The following CLVS1 variants were observed in gnomAD, a reference collection of about 807,000 sequenced individuals.
CLVS1 encodes clavesin 1.
Under a neutral mutation model 33.1 loss-of-function variants are expected in CLVS1, and 10 were observed. The observed-to-expected ratio is 0.30, with a 90% CI of 0.19 to 0.51. The LOEUF is 0.51. Ranked by LOEUF, CLVS1 falls within the 20% of genes least tolerant of loss-of-function variation. The probability of loss-of-function intolerance (pLI) is 0.97; values close to 1 mark genes in which losing one functional copy is unlikely to be tolerated. For synonymous variants in CLVS1, 163 were observed against 166.1 expected, an observed-to-expected ratio of 0.98 and a Z score of 0.14; for missense variants, 343 against 433.4, an observed-to-expected ratio of 0.79 and a Z score of 1.85.
chr8:61,236,855 A>G (rs1365475047), intron 2 of CLVS1, among the ~76,000 whole-genome samples: 1 of 152,196 alleles, frequency 6.6e-6, no homozygotes, highest in Non-Finnish European at 1.5e-5. Context: ...ATTAGCTCCA[A>G]TGGAAGAGCT....
intron 5 of CLVS1, among the ~76,000 whole-genome samples, chr8:61,477,745 A>T (rs1002790594): frequency 2.0e-5 from 3 of 152,084 alleles, no homozygotes; most frequent in Non-Finnish European, 2.9e-5. Context: ...TTTTCAAAAA[A>T]CCAGCTCCTG....
At chr8:61,381,869 T>C (rs1253921781) in intron 3 of CLVS1, among the ~76,000 whole-genome samples, 1 of 152,208 alleles carries the variant, frequency 6.6e-6, no homozygotes, top group African/African-American at 2.4e-5. Flanking sequence ...ATTCCATGTC[T>C]TTGCTATTGT....
At chr8:61,142,956 A>G (rs1471654814) in intron 2 of CLVS1, among the ~76,000 whole-genome samples, 1 of 152,220 alleles carries the variant, frequency 6.6e-6, no homozygotes, top group Non-Finnish European at 1.5e-5. Flanking sequence ...GAAACATCCT[A>G]TTGAAGGAAG....
At chr8:61,226,770 G>A (rs997996228) in intron 2 of CLVS1, among the ~76,000 whole-genome samples, 1 of 152,130 alleles carries the variant, frequency 6.6e-6, no homozygotes, top group African/African-American at 2.4e-5. Context: ...AAACTGGGGG[G>A]AAAGATAACT....
intron 1 of CLVS1, among the ~76,000 whole-genome samples, chr8:61,075,704 T>C (rs1949733735): frequency 6.6e-6 from 1 of 152,222 alleles, no homozygotes; most frequent in Non-Finnish European, 1.5e-5. Flanking sequence ...CTTTTACGTT[T>C]CCTCCTCTGT....
intron 2 of CLVS1, among the ~76,000 whole-genome samples, chr8:61,186,832 T>C (rs146145492): frequency 0.017 from 2,534 of 151,966 alleles, 31 homozygotes; most frequent in African/African-American, 0.025. Flanking sequence ...CAGAAAGGAG[T>C]GAACTGACAT....
At chr8:61,440,844 A>G (rs572410459) in intron 3 of CLVS1, among the ~76,000 whole-genome samples, 2 of 152,346 alleles carry the variant, frequency 1.3e-5, no homozygotes, top group Admixed American at 6.5e-5. Context: ...TTCTAGGAAC[A>G]TATATTCTAA....
At chr8:61,491,994 A>G (rs900578948) in intron 5 of CLVS1, among the ~76,000 whole-genome samples, 1 of 152,216 alleles carries the variant, frequency 6.6e-6, no homozygotes, top group Non-Finnish European at 1.5e-5. Context: ...TTTGAGAACT[A>G]AATGAGCTAA....
chr8:61,398,974 C>T (rs531439982), intron 3 of CLVS1, among the ~76,000 whole-genome samples: 3 of 152,096 alleles, frequency 2.0e-5, no homozygotes, highest in African/African-American at 4.8e-5. Context: ...AGGTTGATTC[C>T]GTGTCTTTGC....
intron 1 of CLVS1, among the ~76,000 whole-genome samples, chr8:61,117,512 C>T (rs1234352117): frequency 6.6e-6 from 1 of 150,580 alleles, no homozygotes; most frequent in Non-Finnish European, 1.5e-5. Context: ...GTGGGTTTGT[C>T]ATAGATAGCT....
chr8:61,401,772 A>C (rs1047237930), intron 3 of CLVS1, among the ~76,000 whole-genome samples: 6 of 152,224 alleles, frequency 3.9e-5, no homozygotes, highest in African/African-American at 1.4e-4. Flanking sequence ...CTAAGTAAAA[A>C]GAACAAAGCT....
At chr8:61,302,105 T>C (rs1027456899) in intron 2 of CLVS1, among the ~76,000 whole-genome samples, 1 of 152,114 alleles carries the variant, frequency 6.6e-6, no homozygotes, top group Non-Finnish European at 1.5e-5. Flanking sequence ...ATGATAACAG[T>C]GTAGGGCAAC....
intron 5 of CLVS1, among the ~76,000 whole-genome samples, chr8:61,473,981 G>A (rs2640227): frequency 0.029 from 4,396 of 152,180 alleles, 76 homozygotes; most frequent in African/African-American, 0.056. Flanking sequence ...AAGCTCAGGA[G>A]AAAATTCTGG....
In CLVS1 at chr8:61,098,947, A is replaced by G. The variant is rs543281215; in HGVS notation, c.-242-32823A>G. 1.2e-3 allele frequency among the ~76,000 whole-genome samples: 186 copies of G among 152,306 alleles called. 1 individual carries two copies. The highest frequency in any genetic ancestry group is 2.4e-3 in the Admixed American group (37 of 15,302). Reference sequence around the variant, plus strand: ...GCTCTTTAAGGGGAAAGAGATTTGTATATTGATCACTAAAACAAAATAGGG... The same window carrying G: ...GCTCTTTAAGGGGAAAGAGATTTGTGTATTGATCACTAAAACAAAATAGGG... On this transcript the variant is annotated intron_variant, in intron 1 of 2. Transcript: ENST00000522621.
chr8:61,447,972 A>G (rs1816816653), intron 3 of CLVS1, among the ~76,000 whole-genome samples: 1 of 152,138 alleles, frequency 6.6e-6, no homozygotes, highest in South Asian at 2.1e-4. Flanking sequence ...AGTTTTCCTT[A>G]ACCTGAGAAT....
intron 2 of CLVS1, among the ~76,000 whole-genome samples, chr8:61,217,703 C>G (rs1808119686): frequency 6.6e-6 from 1 of 152,164 alleles, no homozygotes; most frequent in African/African-American, 2.4e-5. Flanking sequence ...AGGAAACAAT[C>G]AACAGAGTGA....
At chr8:61,149,483 T>C (rs796299368) in intron 2 of CLVS1, among the ~76,000 whole-genome samples, 19 of 136,906 alleles carry the variant, frequency 1.4e-4, no homozygotes, top group African/African-American at 5.3e-4. Context: ...ACCCGGAAGG[T>C]GGAGGTTTCA....
the CLVS1 span, among the ~76,000 whole-genome samples, chr8:60,991,163 A>G: frequency 1.3e-5 from 2 of 152,228 alleles, no homozygotes; most frequent in Non-Finnish European, 2.9e-5. Flanking sequence ...TAATACTACT[A>G]CAAGACATAA....
chr8:61,082,798 A>G (rs1317209763), intron 1 of CLVS1, among the ~76,000 whole-genome samples: 3 of 152,128 alleles, frequency 2.0e-5, no homozygotes, highest in African/African-American at 4.8e-5. Context: ...TAATCCCAGC[A>G]CTTTGGGAGG....
Sources: gnomAD v4.1 joint callset for allele counts (sites outside exome capture counted in the v4.1 genomes callset) on GRCh38, gnomAD v4.1.1 for gene constraint, MANE v1.5 for transcripts, NCBI Gene and HGNC (gene_info 2026-07-23, HGNC 2026-07-21) for gene names.